Variants in ADAMTS17 observed in about 807,000 individuals in gnomAD.
ADAMTS17 encodes the protein ADAM metallopeptidase with thrombospondin type 1 motif 17.
ADAMTS17 carries 113 observed loss-of-function variants against 141.5 expected under a neutral mutation model. The observed-to-expected ratio is 0.80, with a 90% confidence interval of 0.69 to 0.93. The LOEUF (loss-of-function observed/expected upper bound fraction) is 0.93, where lower values mean the gene tolerates loss of function less well. Among genes scored for constraint, ADAMTS17 ranks in the 40% least tolerant of loss-of-function variants. The pLI is 0.00. For synonymous variants in ADAMTS17, 768 were observed against 630.6 expected, an observed-to-expected ratio of 1.22 and a Z score of -3.27; for missense variants, 1,659 against 1,517.9, an observed-to-expected ratio of 1.09 and a Z score of -1.54.
rs536639265 is a variant in ADAMTS17 at position 99,988,749 on chromosome 15, C to T, written c.2949+4299G>A. Among the ~76,000 whole-genome samples the T allele has an allele frequency of 7.9e-5, 12 of 152,170 alleles. No individual in the cohort carries two copies. In the East Asian group the frequency reaches 9.6e-4, roughly 12 times the overall value. On this transcript the variant is annotated intron_variant, in intron 20 of 21. Coordinates refer to ENST00000268070, the MANE Select transcript of ADAMTS17 (RefSeq NM_139057.4). ...CTCCATCTTACCTGACAGGCATTCC[C>T]GGAAGGCTGAAGGTCCTGTCTGGGG...
rs749236257 is a variant in ADAMTS17 at position 100,265,336 on chromosome 15, C to A, written c.790-2901G>T. 2.6e-5 allele frequency among the ~76,000 whole-genome samples: 4 copies of A among 152,194 alleles called. No individual in the cohort carries two copies. In the South Asian group the frequency reaches 8.3e-4, roughly 31 times the overall value. On this transcript the variant is annotated intron_variant, in intron 4 of 21. Transcript: ENST00000268070. The stretch of plus-strand genomic sequence containing the variant: ...CTTTTTTTTCCCATGGAAACTCATG[C>A]TCAGGAGAAGTCTTGGAGGCAACGG...
At chr15:100,253,023 C>G (rs776847542) in intron 7 of ADAMTS17, among the ~76,000 whole-genome samples, 16 of 152,054 alleles carry the variant, frequency 1.1e-4, no homozygotes, top group Admixed American at 3.9e-4. Context: ...TGCTGGGGCT[C>G]CCCCAGAAGC....
At chr15:100,104,406 T>G (rs1247707441) in intron 14 of ADAMTS17, among the ~76,000 whole-genome samples, 1 of 152,222 alleles carries the variant, frequency 6.6e-6, no homozygotes, top group Non-Finnish European at 1.5e-5. Flanking sequence ...AAATGAAACT[T>G]AATTCAGTCC....
At chr15:100,109,260 C>CCAGCTCCTCTAAACACGCTGCA in intron 13 of ADAMTS17, 144 bp from the exon 14 acceptor site, 2 of 1,165,200 alleles carry the variant, frequency 1.7e-6, no homozygotes, top group Non-Finnish European at 2.4e-6. Flanking sequence ...GGTACGCGCT[C>CCAGCTCCTCTAAACACGCTGCA]CAGGAAGCGG....
At chr15:100,300,965 A>C (rs1043398712) in intron 3 of ADAMTS17, among the ~76,000 whole-genome samples, 1 of 152,200 alleles carries the variant, frequency 6.6e-6, no homozygotes, top group Non-Finnish European at 1.5e-5. Flanking sequence ...TTCTGTGTTT[A>C]ATGTTAGCCT....
At chr15:100,240,257 A>G (rs1319798318) in intron 7 of ADAMTS17, among the ~76,000 whole-genome samples, 1 of 152,146 alleles carries the variant, frequency 6.6e-6, no homozygotes, top group Admixed American at 6.5e-5. Flanking sequence ...TCCAATCCCC[A>G]GGCCTAAGTG....
intron 8 of ADAMTS17, among the ~76,000 whole-genome samples, chr15:100,190,473 G>A (rs1596232849): frequency 6.6e-6 from 1 of 152,210 alleles, no homozygotes; most frequent in East Asian, 1.9e-4. Context: ...AGGCATTCAG[G>A]TTTCTTCCAG....
rs570975021 is a variant in ADAMTS17 at position 100,169,903 on chromosome 15, C to T, written c.1182-14583G>A. Among the ~76,000 whole-genome samples, 14 of 149,530 alleles carry T rather than the reference C, an allele frequency of 9.4e-5. No homozygotes were observed. The South Asian group carries it at 1.5e-3, about 16-fold the overall frequency. On this transcript the variant is annotated intron_variant, in intron 8 of 21. Transcript: ENST00000268070. ...TTGAAGCAATGACACCTCTGTTCTC[C>T]GGGGCCACTCCCGGGGGCACTCAGT...
chr15:100,105,214 G>A (rs554607062), intron 14 of ADAMTS17, among the ~76,000 whole-genome samples: 24 of 152,340 alleles, frequency 1.6e-4, no homozygotes, highest in South Asian at 4.1e-4. Context: ...GCAGCCACCC[G>A]GGAGATGGTG....
chr15:100,199,205 G>C (rs1289912165), intron 8 of ADAMTS17, 113 bp downstream of exon 8: 1 of 1,017,520 alleles, frequency 9.8e-7, no homozygotes, highest in Non-Finnish European at 1.5e-6. Context: ...CTTTATTGCA[G>C]ATGCAGCAAA....
chr15:100,252,271 C>T (rs1253955172), intron 7 of ADAMTS17, among the ~76,000 whole-genome samples: 1 of 152,166 alleles, frequency 6.6e-6, no homozygotes, highest in Non-Finnish European at 1.5e-5. Context: ...GCATTGGAGT[C>T]CCTTCACCTG....
intron 2 of ADAMTS17, among the ~76,000 whole-genome samples, chr15:100,332,698 C>T (rs1443990040): frequency 6.6e-6 from 1 of 152,258 alleles, no homozygotes; most frequent in Non-Finnish European, 1.5e-5. Context: ...CTCATATACA[C>T]ATGCAAAGCA....
At chr15:100,281,121 C>A (rs1448752202) in intron 4 of ADAMTS17, 108 bp downstream of exon 4, 1 of 1,485,144 alleles carries the variant, frequency 6.7e-7, no homozygotes, top group Admixed American at 1.8e-5. Flanking sequence ...GTATCCCCAA[C>A]CCAGCGTCTT....
intron 15 of ADAMTS17, among the ~76,000 whole-genome samples, chr15:100,083,412 C>T (rs192898888): frequency 6.5e-4 from 99 of 152,292 alleles, no homozygotes; most frequent in African/African-American, 2.3e-3. Flanking sequence ...CATTCTGTTC[C>T]ATCCATAGAG....
intron 8 of ADAMTS17, among the ~76,000 whole-genome samples, chr15:100,157,734 T>TG (rs2039500974): frequency 6.6e-6 from 1 of 150,568 alleles, no homozygotes; most frequent in Non-Finnish European, 1.5e-5. Flanking sequence ...TCTGGCGTGG[T>TG]GGCAGACTGC....
intron 12 of ADAMTS17, among the ~76,000 whole-genome samples, chr15:100,127,674 C>A (rs774791448): frequency 1.3e-5 from 2 of 152,196 alleles, no homozygotes; most frequent in African/African-American, 2.4e-5. Context: ...CTGCACCTCC[C>A]GGGTACAAGC....
At chr15:100,211,013 T>C (rs2041784578) in intron 7 of ADAMTS17, among the ~76,000 whole-genome samples, 1 of 151,798 alleles carries the variant, frequency 6.6e-6, no homozygotes, top group East Asian at 1.9e-4. Context: ...GGCAGGAGAA[T>C]GGCGTGAATC....
At chr15:100,147,173 G>A (rs80355211) in intron 10 of ADAMTS17, among the ~76,000 whole-genome samples, 44 of 152,094 alleles carry the variant, frequency 2.9e-4, no homozygotes, top group African/African-American at 9.6e-4. Flanking sequence ...GGAACCTACC[G>A]AGATGTGATG....
chr15:99,976,466 G>A (rs1281308390), intron 20 of ADAMTS17: 7 of 614,862 alleles, frequency 1.1e-5, no homozygotes, highest in East Asian at 2.8e-5. Flanking sequence ...TGGGCACTGT[G>A]TGTCATGCCC....
Sources: allele counts gnomAD v4.1 joint callset (sites outside exome capture counted in the v4.1 genomes callset), GRCh38; gene constraint gnomAD v4.1.1; transcripts MANE v1.5; gene names NCBI Gene and HGNC (gene_info 2026-07-23, HGNC 2026-07-21).